The following RAB7A variants were observed in gnomAD, a reference collection of about 807,000 sequenced individuals.
RAB7A encodes RAB7A, member RAS oncogene family.
Under a neutral mutation model 24.5 loss-of-function variants are expected in RAB7A, and 2 were observed. That is an observed-to-expected ratio of 0.08 (90% CI 0.03 to 0.26). The LOEUF is 0.26. RAB7A is among the 10% of genes least tolerant of loss of function. RAB7A has a pLI of 1.00. For missense variants in RAB7A, 118 were observed against 255.7 expected, an observed-to-expected ratio of 0.46 and a Z score of 3.67; for synonymous variants, 100 against 95.9, an observed-to-expected ratio of 1.04 and a Z score of -0.25.
intron 5 of RAB7A, 147 bp downstream of exon 5, chr3:128,807,818 T>A: frequency 8.3e-7 from 1 of 1,211,322 alleles, no homozygotes. Context: ...GGGAAGGTTA[T>A]GACATGTTCT....
At chr3:128,751,002 C>T (rs1269628223) in intron 1 of RAB7A, among the ~76,000 whole-genome samples, 2 of 152,342 alleles carry the variant, frequency 1.3e-5, no homozygotes, top group South Asian at 2.1e-4. Flanking sequence ...GCAGCTTCCA[C>T]GTGGTGCTGA....
chr3:128,813,185 G>A, intron 5 of RAB7A, 142 bp from the exon 6 acceptor site: 3 of 815,582 alleles, frequency 3.7e-6, no homozygotes, highest in Non-Finnish European at 6.4e-6. Flanking sequence ...TCCCTTAACT[G>A]TGTGGGCAGG....
chr3:128,761,640 A>G (rs888312852), intron 1 of RAB7A, among the ~76,000 whole-genome samples: 1 of 152,138 alleles, frequency 6.6e-6, no homozygotes, highest in African/African-American at 2.4e-5. Context: ...CTTTATTTAG[A>G]TCTTTAAGAC....
rs1297958628 is a variant in RAB7A at position 128,730,417 on chromosome 3, A to G, written c.-9+4058A>G. ...GCTAATTTTTGTATTTTTAGTAGAGACGGGGTTTCACCGTGTTAGCCAGAT... is the reference window on the plus strand; with the variant it reads ...GCTAATTTTTGTATTTTTAGTAGAGGCGGGGTTTCACCGTGTTAGCCAGAT... On this transcript the variant is annotated intron_variant, in intron 1 of 5. Transcript: ENST00000265062. Among the ~76,000 whole-genome samples, 3 of 151,974 alleles carry G rather than the reference A, an allele frequency of 2.0e-5. No individual in the cohort carries two copies. The South Asian group carries it at 6.2e-4, about 32-fold the overall frequency.
chr3:128,745,207 C>CT (rs1465790766), intron 1 of RAB7A, among the ~76,000 whole-genome samples: 5 of 152,166 alleles, frequency 3.3e-5, no homozygotes, highest in Admixed American at 1.3e-4. Context: ...TTCTGGTTAA[C>CT]TTCAAGTACT....
chr3:128,813,060 G>A (rs144715094), intron 5 of RAB7A, among the ~76,000 whole-genome samples: 39 of 152,360 alleles, frequency 2.6e-4, no homozygotes, highest in African/African-American at 9.4e-4. Flanking sequence ...TGATTGCTCA[G>A]TGCAGACTGC....
At chr3:128,729,529 C>G (rs1192095888) in intron 1 of RAB7A, among the ~76,000 whole-genome samples, 1 of 150,162 alleles carries the variant, frequency 6.7e-6, no homozygotes, top group Non-Finnish European at 1.5e-5. Flanking sequence ...GAGATCATGC[C>G]GCTGCACTCC....
intron 1 of RAB7A, among the ~76,000 whole-genome samples, chr3:128,750,554 G>C (rs934218989): frequency 2.3e-4 from 35 of 152,302 alleles, no homozygotes; most frequent in Middle Eastern, 3.4e-3. Context: ...GAGCCACCGA[G>C]CCTGGCCAGC....
chr3:128,747,975 C>T (rs2070635963), intron 1 of RAB7A, among the ~76,000 whole-genome samples: 1 of 152,092 alleles, frequency 6.6e-6, no homozygotes, highest in Non-Finnish European at 1.5e-5. Context: ...ACCATGTTGG[C>T]CAGGCTGGTT....
rs1432428820 is a variant in RAB7A, at chr3:128,814,253, A to G, written c.*831A>G. On this transcript the variant is annotated 3_prime_UTR_variant, in exon 6 of 6. Transcript: ENST00000265062. ...CAAGAATTATGTACGCCTTTTATCA[A>G]AGACTTAAGAGCCAAAAAGCTTTTC... 6.5e-6 allele frequency: 1 copy of G among 153,026 alleles called. No individual in the cohort carries two copies. Among genetic ancestry groups the G allele is most frequent in the East Asian group, 1.9e-4 (1 of 5,194 alleles). 9.5% of individuals were successfully genotyped at this position (153,026 alleles called of 1,614,324 possible).
chr3:128,808,631 A>C (rs1183397639), intron 5 of RAB7A, among the ~76,000 whole-genome samples: 1 of 152,182 alleles, frequency 6.6e-6, no homozygotes, highest in Non-Finnish European at 1.5e-5. Context: ...CACTCATGCG[A>C]GTTGAAAGTC....
At chr3:128,743,913 C>T (rs1225786271) in intron 1 of RAB7A, among the ~76,000 whole-genome samples, 3 of 151,662 alleles carry the variant, frequency 2.0e-5, no homozygotes, top group Admixed American at 1.3e-4. Context: ...CTCAGCCTCC[C>T]GAGTAGCTGG....
intron 5 of RAB7A, among the ~76,000 whole-genome samples, chr3:128,807,902 CCTT>C (rs1288951154): frequency 6.6e-6 from 1 of 152,160 alleles, no homozygotes; most frequent in Non-Finnish European, 1.5e-5. Flanking sequence ...CTGAGGCTGC[CCTT>C]CTTTTACTAG....
Position 128,726,374 on chromosome 3 carries a change from C to A in RAB7A, c.-9+15C>A. The A allele has an allele frequency of 6.6e-6, 1 of 152,654 alleles. No homozygotes were observed. The highest frequency in any genetic ancestry group is 1.5e-5 in the Non-Finnish European group (1 of 68,404). The allele number at this position is 152,654 out of a possible 1,614,324, so 9.5% of individuals were successfully genotyped here. On this transcript the variant is annotated intron_variant, in intron 1 of 5. Coordinates refer to ENST00000265062, the MANE Select transcript of RAB7A (RefSeq NM_004637.6). ...CAGCGGCCGCGGTAAGCAGCGGGCC[C>A]AGCCCGGCCGGCGGCCTGGCCCCAT...
At chr3:128,750,086 C>T (rs2070661214) in intron 1 of RAB7A, among the ~76,000 whole-genome samples, 1 of 152,124 alleles carries the variant, frequency 6.6e-6, no homozygotes, top group Non-Finnish European at 1.5e-5. Context: ...GCAATATGGA[C>T]AATAAGGCCC....
At chr3:128,746,855 C>CA (rs2070622263) in intron 1 of RAB7A, among the ~76,000 whole-genome samples, 1 of 151,548 alleles carries the variant, frequency 6.6e-6, no homozygotes, top group Admixed American at 6.6e-5. Context: ...AGATTCAACA[C>CA]ATTGGTGATA....
chr3:128,737,469 A>G (rs1345482399), intron 1 of RAB7A, among the ~76,000 whole-genome samples: 1 of 148,492 alleles, frequency 6.7e-6, no homozygotes, highest in East Asian at 2.0e-4. Flanking sequence ...TCAGCCTCCC[A>G]AGTAGCTGGG....
chr3:128,789,947 C>G (rs1410276462), intron 1 of RAB7A, among the ~76,000 whole-genome samples: 1 of 152,032 alleles, frequency 6.6e-6, no homozygotes, highest in African/African-American at 2.4e-5. Flanking sequence ...CGTGCCACCA[C>G]GCGCAGCTTA....
At chr3:128,812,190 C>G (rs1933942758) in intron 5 of RAB7A, among the ~76,000 whole-genome samples, 1 of 152,246 alleles carries the variant, frequency 6.6e-6, no homozygotes, top group African/African-American at 2.4e-5. Flanking sequence ...TCTTGGCTCA[C>G]TGCAACCTTG....
Sources: allele counts gnomAD v4.1 joint callset (sites outside exome capture counted in the v4.1 genomes callset), GRCh38; gene constraint gnomAD v4.1.1; transcripts MANE v1.5; gene names NCBI Gene and HGNC (gene_info 2026-07-23, HGNC 2026-07-21).